The following ZAR1 variants were observed in gnomAD, a reference collection of about 807,000 sequenced individuals.
ZAR1 encodes zygote arrest protein 1.
ZAR1 carries 37 observed loss-of-function variants against 38.3 expected under a neutral mutation model. The observed-to-expected ratio is 0.97, with a 90% CI of 0.74 to 1.27. The LOEUF (loss-of-function observed/expected upper bound fraction) is 1.27, where lower values mean the gene tolerates loss of function less well. ZAR1 is among the 50% of genes most tolerant of loss of function. The probability of loss-of-function intolerance (pLI) is 0.00; values close to 1 mark genes in which losing one functional copy is unlikely to be tolerated. For missense variants in ZAR1, 651 were observed against 632.4 expected (o/e 1.03, Z -0.32); for synonymous variants, 336 against 292.0 (o/e 1.15, Z -1.53).
At position 48,490,831 on chromosome 4, in the gene ZAR1, C is replaced by T. The variant is rs1162233289; in HGVS notation, c.540C>T (p.Ala180=). The stretch of plus-strand genomic sequence containing the variant: ...CCATGCGCTTCCCGCGCACCGTCGC[C>T]GTGTACTCGCCCCTGGCCTTGCGCC... ...PRPMRFPRTV[A]VYSPLALRRL... Residue 180 remains alanine (A), a synonymous_variant, in exon 1 of 4, where the codon GCC becomes GCT. Transcript: ENST00000327939. The T allele has an allele frequency of 6.6e-7, 1 of 1,505,404 alleles. No individual in the cohort carries two copies. Among genetic ancestry groups the T allele is most frequent in the South Asian group, 1.2e-5 (1 of 80,488 alleles). 93.3% of individuals were successfully genotyped at this position (1,505,404 alleles called of 1,614,324 possible).
downstream of ZAR1, among the ~76,000 whole-genome samples, chr4:48,495,160 C>T (rs1417493683): frequency 6.6e-6 from 1 of 152,176 alleles, no homozygotes; most frequent in Non-Finnish European, 1.5e-5. Flanking sequence ...AGTAGCTTCT[C>T]ATGACAACAC....
At chr4:48,495,854 C>G (rs532063718), downstream of ZAR1, among the ~76,000 whole-genome samples, 3 of 152,290 alleles carry the variant, frequency 2.0e-5, no homozygotes, top group African/African-American at 7.2e-5. Flanking sequence ...TAGAAAACAA[C>G]CAGGGGGAGG....
downstream of ZAR1, among the ~76,000 whole-genome samples, chr4:48,496,293 C>G (rs1718606061): frequency 6.6e-6 from 1 of 152,032 alleles, no homozygotes; most frequent in East Asian, 1.9e-4. Flanking sequence ...GAACATGTTC[C>G]TGTTGATTTG....
At chr4:48,496,262 C>T (rs371886760), downstream of ZAR1, among the ~76,000 whole-genome samples, 9 of 151,976 alleles carry the variant, frequency 5.9e-5, no homozygotes, top group African/African-American at 2.2e-4. Flanking sequence ...TGGGTAAAGG[C>T]GATGTGTTTT....
In ZAR1 at chr4:48,490,399, GGGCGGCAGCTGGCAGCAGCGCGGCA is replaced by G; in HGVS notation, c.111_135del (p.Gly38AlafsTer24). On this transcript the variant is annotated frameshift_variant, in exon 1 of 4. Coordinates refer to ENST00000327939, the MANE Select transcript of ZAR1 (RefSeq NM_175619.3). LOFTEE classifies it high-confidence loss of function. The stretch of plus-strand genomic sequence containing the variant: ...CGGCCACCAAGGGCAAGGGCGCGGC[GGGCGGCAGCTGGCAGCAGCGCGGCA>G]GGGGCTGCCTTCCCGCCTCCTCCCC... 2 of 1,494,034 alleles carry G rather than the reference GGGCGGCAGCTGGCAGCAGCGCGGCA, an allele frequency of 1.3e-6. No individual in the cohort carries two copies. The highest frequency in any genetic ancestry group is 1.5e-5 in the African/African-American group (1 of 68,922). The allele number at this position is 1,494,034 out of a possible 1,614,324, so 92.5% of individuals were successfully genotyped here.
downstream of ZAR1, among the ~76,000 whole-genome samples, chr4:48,496,356 A>G (rs1280455383): frequency 3.3e-5 from 5 of 152,210 alleles, no homozygotes; most frequent in East Asian, 9.6e-4. Context: ...GTGGCATGCA[A>G]GTGATACATA....
At position 48,494,288 on chromosome 4, in the gene ZAR1, G is replaced by T; in HGVS notation, c.*44G>T. The T allele has an allele frequency of 6.2e-7, 1 of 1,602,376 alleles. No individual in the cohort carries two copies. On this transcript the variant is annotated 3_prime_UTR_variant, in exon 4 of 4. Transcript: ENST00000327939. ...GTGCATGCGCTGATGGAGTAGACGA[G>T]TGAGCTTTTCCGTGCCTCTCCTCCA...
At chr4:48,495,859 G>GGGA (rs1288582063), downstream of ZAR1, among the ~76,000 whole-genome samples, 3 of 152,152 alleles carry the variant, frequency 2.0e-5, no homozygotes, top group Non-Finnish European at 4.4e-5. Context: ...AACAACCAGG[G>GGGA]GGAGGCCACA....
rs769283054 is a variant in ZAR1, at chr4:48,492,749, CAT to C, written c.964-14_964-13del. On this transcript the variant is annotated splice_polypyrimidine_tract_variant and intron_variant, in intron 1 of 3. Transcript: ENST00000327939. ...TCAGGTGTTTTGTTGGTTAAATTGA[CAT>C]ATCCTGTTGTTCAGTTCTTAGAGCA... The C allele has an allele frequency of 7.8e-5, 125 of 1,607,696 alleles. No individual in the cohort carries two copies. In the African/African-American group the frequency reaches 1.6e-3, roughly 20 times the overall value.
chr4:48,493,835 C>CT (rs1460407124), intron 3 of ZAR1, among the ~76,000 whole-genome samples: 2 of 152,326 alleles, frequency 1.3e-5, no homozygotes, highest in East Asian at 3.9e-4. Context: ...TCTACCCTTT[C>CT]TCTTAAACAG....
In ZAR1 at chr4:48,490,363, C is replaced by G; in HGVS notation, c.72C>G (p.Tyr24Ter). The G allele has an allele frequency of 6.6e-7, 1 of 1,507,828 alleles. No homozygotes were observed. Among genetic ancestry groups the G allele is most frequent in the Non-Finnish European group, 8.8e-7 (1 of 1,134,692 alleles). 93.4% of individuals were successfully genotyped at this position (1,507,828 alleles called of 1,614,324 possible). Residue 24 changes from tyrosine (Y) to a stop codon, truncating the protein, a stop_gained, in exon 1 of 4, where the codon TAC becomes TAG. Transcript: ENST00000327939. LOFTEE classifies it high-confidence loss of function. ...FPACPPCSYR[Y>*]PYPAATKGKG... is the part of the protein sequence containing the mutation. Reference sequence around the variant, plus strand: ...CGTGCCCCCCCTGCTCGTACCGGTACCCATACCCCGCGGCCACCAAGGGCA... The same window carrying G: ...CGTGCCCCCCCTGCTCGTACCGGTAGCCATACCCCGCGGCCACCAAGGGCA...
At position 48,490,859 on chromosome 4, in the gene ZAR1, C is replaced by T; in HGVS notation, c.568C>T (p.Leu190Phe). 6.8e-7 allele frequency: 1 copy of T among 1,469,272 alleles called. No individual in the cohort carries two copies. Among genetic ancestry groups the T allele is most frequent in the Non-Finnish European group, 9.0e-7 (1 of 1,115,740 alleles). The allele number at this position is 1,469,272 out of a possible 1,614,324, so 91.0% of individuals were successfully genotyped here. A position where few individuals can be genotyped will look rare whatever the true frequency, so the allele number is the denominator to read the frequency against. ...AVYSPLALRR[L>F]TAFLEGPGPA... ...GTACTCGCCCCTGGCCTTGCGCCGT[C>T]TCACCGCCTTCCTGGAGGGGCCCGG... is the stretch of plus-strand genomic sequence containing the variant. The change falls in exon 1 of 4, where the codon CTC becomes TTC. Residue 190 changes from leucine (L) to phenylalanine (F), a missense_variant. Around this residue, in one of 2 missense-constraint regions of ZAR1, gnomAD observed 522 missense variants for 459.9 expected, o/e 1.14. Transcript: ENST00000327939.
chr4:48,491,768 C>A (rs538550573), intron 1 of ZAR1, among the ~76,000 whole-genome samples: 13 of 152,352 alleles, frequency 8.5e-5, no homozygotes, highest in African/African-American at 2.6e-4. Flanking sequence ...TCCTAAAATG[C>A]CCCTTCCTAG....
rs1318437802 is a variant in ZAR1 at position 48,490,387 on chromosome 4, C to A, written c.96C>A (p.Gly32=). 1 of 1,501,094 alleles carries A rather than the reference C, an allele frequency of 6.7e-7. No homozygotes were observed. The allele number at this position is 1,501,094 out of a possible 1,614,324, so 93.0% of individuals were successfully genotyped here. A position where few individuals can be genotyped will look rare whatever the true frequency, so the allele number is the denominator to read the frequency against. ...YRYPYPAATK[G]KGAAGGSWQQ... ...ACCCATACCCCGCGGCCACCAAGGG[C>A]AAGGGCGCGGCGGGCGGCAGCTGGC... The change falls in exon 1 of 4, where the codon GGC becomes GGA. Residue 32 remains glycine (G), a synonymous_variant. Transcript: ENST00000327939.
At chr4:48,496,256 T>TAA (rs1718603358), downstream of ZAR1, among the ~76,000 whole-genome samples, 1 of 152,118 alleles carries the variant, frequency 6.6e-6, no homozygotes, top group African/African-American at 2.4e-5. Context: ...CTGGTGTGGG[T>TAA]AAAGGCGATG....
chr4:48,493,072 G>C (rs1718490843), intron 3 of ZAR1, 60 bp downstream of exon 3: 2 of 1,512,438 alleles, frequency 1.3e-6, no homozygotes, highest in Non-Finnish European at 1.8e-6. Context: ...TTTTAGTATA[G>C]TTTGAGTATA....
In ZAR1 at chr4:48,494,287, A is replaced by C. The variant is rs1346097274; in HGVS notation, c.*43A>C. On this transcript the variant is annotated 3_prime_UTR_variant, in exon 4 of 4. Coordinates refer to ENST00000327939, the MANE Select transcript of ZAR1 (RefSeq NM_175619.3). ...TGTGCATGCGCTGATGGAGTAGACG[A>C]GTGAGCTTTTCCGTGCCTCTCCTCC... 1 of 1,602,666 alleles carries C rather than the reference A, an allele frequency of 6.2e-7. No individual in the cohort carries two copies. Among genetic ancestry groups the C allele is most frequent in the South Asian group, 1.1e-5 (1 of 90,540 alleles).
At chr4:48,492,146 A>C (rs528545794) in intron 1 of ZAR1, among the ~76,000 whole-genome samples, 169 of 152,342 alleles carry the variant, frequency 1.1e-3, no homozygotes, top group Non-Finnish European at 1.9e-3. Context: ...GCAGTCTCAC[A>C]GGTGAGCAGA....
Position 48,490,372 on chromosome 4 carries a change from C to A in ZAR1, c.81C>A (p.Pro27=). 1 of 1,505,024 alleles carries A rather than the reference C, an allele frequency of 6.6e-7. No homozygotes were observed. Among genetic ancestry groups the A allele is most frequent in the South Asian group, 1.2e-5 (1 of 81,170 alleles). The allele number at this position is 1,505,024 out of a possible 1,614,324, so 93.2% of individuals were successfully genotyped here. The change falls in exon 1 of 4, where the codon CCC becomes CCA. Residue 27 remains proline, a synonymous_variant. Coordinates refer to ENST00000327939, the MANE Select transcript of ZAR1 (RefSeq NM_175619.3). ...CPPCSYRYPY[P]AATKGKGAAG... ...CCTGCTCGTACCGGTACCCATACCC[C>A]GCGGCCACCAAGGGCAAGGGCGCGG...
Sources: gnomAD v4.1 joint callset for allele counts (sites outside exome capture counted in the v4.1 genomes callset) on GRCh38, gnomAD v4.1.1 for gene constraint, gnomAD v4.1.1 regional missense constraint, MANE v1.5 for transcripts, NCBI Gene and HGNC (gene_info 2026-07-23, HGNC 2026-07-21) for gene names.